Variants in NMD3 observed in about 807,000 individuals in gnomAD.
NMD3 encodes the protein NMD3 ribosome export adaptor.
Under a neutral mutation model 73.1 loss-of-function variants are expected in NMD3, and 47 were observed. The observed-to-expected ratio is 0.64, with a 90% CI of 0.51 to 0.82. NMD3 has a LOEUF of 0.82. Among genes scored for constraint, NMD3 ranks in the 40% least tolerant of loss-of-function variants. The probability of loss-of-function intolerance (pLI) is 0.00; values close to 1 mark genes in which losing one functional copy is unlikely to be tolerated. For synonymous variants in NMD3, 210 were observed against 194.5 expected (o/e 1.08, Z -0.66); for missense variants, 554 against 612.5 (o/e 0.90, Z 1.01).
At chr3:161,247,371 G>A (rs1241482780) in intron 13 of NMD3, 41 bp downstream of exon 13, 2 of 1,257,826 alleles carry the variant, frequency 1.6e-6, no homozygotes, top group Non-Finnish European at 2.3e-6. Flanking sequence ...GTGTTAAAGA[G>A]GATGAATGTA....
intron 8 of NMD3, among the ~76,000 whole-genome samples, 187 bp downstream of exon 8, chr3:161,238,378 C>A (rs1271018446): frequency 6.6e-6 from 1 of 152,102 alleles, no homozygotes; most frequent in South Asian, 2.1e-4. Flanking sequence ...CTCCAAAGAT[C>A]GGGAAATTTT....
In NMD3 at chr3:161,222,075, T is replaced by TC; in HGVS notation, c.44+20dup. On this transcript the variant is annotated intron_variant, in intron 2 of 15. Transcript: ENST00000351193. ...GGACACATGTGAGTGCGACACTTCT[T>TC]CCTTCCCCCTTAAATGTGAAAATCT... The TC allele has an allele frequency of 6.2e-7, 1 of 1,602,258 alleles. No individual in the cohort carries two copies. Among genetic ancestry groups the TC allele is most frequent in the East Asian group, 2.2e-5 (1 of 44,728 alleles).
chr3:161,221,944 A>ATCCCAAC, intron 1 of NMD3, 50 bp from the exon 2 acceptor site: 1 of 1,075,264 alleles, frequency 9.3e-7, no homozygotes, highest in African/African-American at 1.7e-5. Context: ...AAGTGATTTA[A>ATCCCAAC]ATCCCAACAT....
At chr3:161,244,498 G>A (rs969372270) in intron 11 of NMD3, among the ~76,000 whole-genome samples, 2 of 152,136 alleles carry the variant, frequency 1.3e-5, no homozygotes, top group African/African-American at 4.8e-5. Context: ...ATCATTTCCA[G>A]TGGTGAAAAT....
At chr3:161,243,107 T>C (rs923965824) in intron 11 of NMD3, among the ~76,000 whole-genome samples, 1 of 152,176 alleles carries the variant, frequency 6.6e-6, no homozygotes, top group Non-Finnish European at 1.5e-5. Flanking sequence ...TCTGCTCTTA[T>C]CCATGGGGAT....
chr3:161,247,204 A>G (rs1408569911), intron 12 of NMD3, 54 bp from the exon 13 acceptor site: 10 of 1,146,358 alleles, frequency 8.7e-6, no homozygotes, highest in Non-Finnish European at 1.3e-5. Context: ...ATAAAATAAA[A>G]AGTTACACAC....
At chr3:161,242,795 T>A in intron 11 of NMD3, 142 bp downstream of exon 11, 1 of 583,314 alleles carries the variant, frequency 1.7e-6, no homozygotes, top group Non-Finnish European at 2.8e-6. Context: ...AATTCTTTTT[T>A]TTTTTGTCTT....
intron 9 of NMD3, among the ~76,000 whole-genome samples, chr3:161,239,218 G>T (rs73875458): frequency 0.1 from 15,315 of 152,080 alleles, 1,053 homozygotes; most frequent in South Asian, 0.19. Flanking sequence ...GGCAAGAAAT[G>T]AAAGAATATT....
chr3:161,246,533 AT>A, intron 12 of NMD3, 85 bp downstream of exon 12: 2 of 528,448 alleles, frequency 3.8e-6, no homozygotes, highest in Non-Finnish European at 7.0e-6. Context: ...AAATACTAAC[AT>A]TGTTTATTCT....
At chr3:161,240,345 T>C (rs1736919570) in intron 9 of NMD3, among the ~76,000 whole-genome samples, 1 of 152,246 alleles carries the variant, frequency 6.6e-6, no homozygotes, top group South Asian at 2.1e-4. Flanking sequence ...AATGTGTTCC[T>C]TTGAAGTTTA....
chr3:161,246,218 A>G lies in NMD3; in HGVS notation c.1018-118A>G, dbSNP rs1737194815. The G allele has an allele frequency of 3.1e-5, 13 of 416,400 alleles. No homozygotes were observed. The East Asian group carries it at 4.2e-4, about 13-fold the overall frequency. 25.8% of individuals were successfully genotyped at this position (416,400 alleles called of 1,614,324 possible). A position where few individuals can be genotyped will look rare whatever the true frequency, so the allele number is the denominator to read the frequency against. On this transcript the variant is annotated intron_variant, in intron 11 of 15. Coordinates refer to ENST00000351193, the MANE Select transcript of NMD3 (RefSeq NM_015938.5). ...GTTTCATACATCAGAAAAATACAAA[A>G]AATTTTCTGTCTTTAAAAATTAGAA...
At chr3:161,226,905 C>A (rs1177269249) in intron 3 of NMD3, among the ~76,000 whole-genome samples, 1 of 151,972 alleles carries the variant, frequency 6.6e-6, no homozygotes, top group Non-Finnish European at 1.5e-5. Flanking sequence ...CATAATAAAC[C>A]ATTTTAATGC....
intron 4 of NMD3, among the ~76,000 whole-genome samples, chr3:161,230,124 G>A (rs1331380557): frequency 6.6e-6 from 1 of 152,102 alleles, no homozygotes; most frequent in African/African-American, 2.4e-5. Context: ...TTGGAGATAA[G>A]GTCTTGCTTT....
intron 2 of NMD3, chr3:161,222,994 A>C (rs1018994802): frequency 6.6e-6 from 1 of 152,206 alleles, no homozygotes; most frequent in Non-Finnish European, 1.5e-5. Context: ...TCCTTGTTCT[A>C]TCAGTAGCTT....
At position 161,237,694 on chromosome 3, in the gene NMD3, C is replaced by A. The variant is rs1431338780; in HGVS notation, c.578-419C>A. 2.0e-5 allele frequency among the ~76,000 whole-genome samples: 3 copies of A among 151,946 alleles called. No homozygotes were observed. In the South Asian group the frequency reaches 6.2e-4, roughly 32 times the overall value. The stretch of plus-strand genomic sequence containing the variant: ...AGCTGAGATTTGGCACATGCCACCA[C>A]GTCCGGCTAATTTTTTGTATTTCTA... On this transcript the variant is annotated intron_variant, in intron 7 of 15. Transcript: ENST00000351193.
intron 2 of NMD3, among the ~76,000 whole-genome samples, chr3:161,224,296 CTTG>C (rs1238437345): frequency 2.0e-5 from 3 of 152,150 alleles, no homozygotes; most frequent in Non-Finnish European, 4.4e-5. Flanking sequence ...TAGTGGCTAC[CTTG>C]TTGTACAGAC....
chr3:161,222,589 C>CTT (rs11391145), intron 2 of NMD3, among the ~76,000 whole-genome samples: 356 of 148,064 alleles, frequency 2.4e-3, no homozygotes, highest in South Asian at 4.9e-3. Context: ...TTCAAATTAA[C>CTT]TTTTTTTTTT....
chr3:161,235,172 T>C lies in NMD3; in HGVS notation c.537T>C (p.Tyr179=), dbSNP rs1342700515. The C allele has an allele frequency of 2.6e-6, 4 of 1,558,958 alleles. No homozygotes were observed. Among genetic ancestry groups the C allele is most frequent in the East Asian group, 2.2e-5 (1 of 44,458 alleles). Reference sequence around the variant, plus strand: ...ATCTGGAACAGTTAATTCTGAAATATGGAATGCATCAGAATACACTTCGTA... The same window carrying C: ...ATCTGGAACAGTTAATTCTGAAATACGGAATGCATCAGAATACACTTCGTA... ...FYYLEQLILK[Y]GMHQNTLRIK... The change falls in exon 7 of 16, where the codon TAT becomes TAC. Residue 179 remains tyrosine, a synonymous_variant. Transcript: ENST00000351193.
chr3:161,225,751 G>A (rs926426819), intron 3 of NMD3, among the ~76,000 whole-genome samples: 5 of 151,980 alleles, frequency 3.3e-5, no homozygotes, highest in African/African-American at 1.2e-4. Flanking sequence ...TCTCTAGAGG[G>A]GTGGTTCATG....
Sources: allele counts gnomAD v4.1 joint callset (sites outside exome capture counted in the v4.1 genomes callset), GRCh38; gene constraint gnomAD v4.1.1; transcripts MANE v1.5; gene names NCBI Gene and HGNC (gene_info 2026-07-23, HGNC 2026-07-21).